MGAT5: variants seen among roughly 807,000 people sequenced by gnomAD.
MGAT5 encodes the protein alpha-1,6-mannosylglycoprotein 6-beta-N-acetylglucosaminyltransferase, also known as alpha-1,6-mannosylglycoprotein 6-beta-N-acetylglucosaminyltransferase A.
MGAT5 carries 30 observed loss-of-function variants against 94.3 expected under a neutral mutation model. That is an observed-to-expected ratio of 0.32 (90% CI 0.24 to 0.43). The LOEUF (loss-of-function observed/expected upper bound fraction) is 0.43, where lower values mean the gene tolerates loss of function less well. Among genes scored for constraint, MGAT5 ranks in the 20% least tolerant of loss-of-function variants. MGAT5 has a pLI of 1.00. For missense variants in MGAT5, 691 were observed against 905.5 expected (o/e 0.76, Z 3.04); for synonymous variants, 310 against 322.9 (o/e 0.96, Z 0.43).
Position 134,127,166 on chromosome 2 carries a change from C to A in MGAT5, c.-143+6875C>A, listed in dbSNP as rs116613504. ...CAGGGAAGGGGAGTTTCCCTCTATT[C>A]CCTTCCCCCCAGTAATCTTCATCAT... On this transcript the variant is annotated intron_variant, in intron 1 of 16. Transcript: ENST00000409645. 3.4e-3 allele frequency: 533 copies of A among 154,780 alleles called. 6 individuals carry two copies. Among genetic ancestry groups the A allele is most frequent in the African/African-American group, 0.012 (519 of 41,562 alleles). The allele number at this position is 154,780 out of a possible 1,614,324, so 9.6% of individuals were successfully genotyped here. A position where few individuals can be genotyped will look rare whatever the true frequency, so the allele number is the denominator to read the frequency against.
chr2:134,222,131 C>G (rs565838144), intron 1 of MGAT5, among the ~76,000 whole-genome samples: 2 of 141,364 alleles, frequency 1.4e-5, no homozygotes, highest in African/African-American at 2.6e-5. Context: ...GGAGTCAGGC[C>G]TAGGGTTTAG....
chr2:134,188,371 C>G (rs938027794), intron 1 of MGAT5, among the ~76,000 whole-genome samples: 1 of 152,238 alleles, frequency 6.6e-6, no homozygotes, highest in Non-Finnish European at 1.5e-5. Context: ...CCTGGCCCCT[C>G]TGCCATGTGG....
intron 1 of MGAT5, among the ~76,000 whole-genome samples, chr2:134,260,712 T>G (rs1421298835): frequency 1.3e-5 from 2 of 151,342 alleles, no homozygotes; most frequent in Non-Finnish European, 3.0e-5. Context: ...CTTTTTTTTT[T>G]TTTTTTGAGG....
intron 8 of MGAT5, among the ~76,000 whole-genome samples, chr2:134,347,036 A>C (rs760837376): frequency 6.6e-6 from 1 of 152,174 alleles, no homozygotes; most frequent in Non-Finnish European, 1.5e-5. Flanking sequence ...TTGGGCATCA[A>C]AACAAACATC....
At chr2:134,140,040 A>G (rs571422401) in intron 1 of MGAT5, among the ~76,000 whole-genome samples, 5 of 152,348 alleles carry the variant, frequency 3.3e-5, no homozygotes, top group African/African-American at 4.8e-5. Context: ...ATGAAGAAAA[A>G]GTCCTTCCTC....
chr2:134,182,800 T>C (rs1238166801), intron 1 of MGAT5, among the ~76,000 whole-genome samples: 3 of 148,038 alleles, frequency 2.0e-5, no homozygotes, highest in African/African-American at 5.0e-5. Context: ...TTTTTTTTTT[T>C]TTTTGAGACA....
chr2:134,347,549 G>A (rs1045309109), intron 8 of MGAT5, among the ~76,000 whole-genome samples: 4 of 152,176 alleles, frequency 2.6e-5, no homozygotes, highest in African/African-American at 9.7e-5. Flanking sequence ...ATATCCATGA[G>A]TTCCACATCA....
In MGAT5 at chr2:134,243,837, C is replaced by T. The variant is rs114301932; in HGVS notation, c.-142-10425C>T. Reference sequence around the variant, plus strand: ...GCCAGTACCCAGCCGGTGCTCCTCCCGAGGTGGAGGAGAGGGGTACTAGGG... The same window carrying T: ...GCCAGTACCCAGCCGGTGCTCCTCCTGAGGTGGAGGAGAGGGGTACTAGGG... On this transcript the variant is annotated intron_variant, in intron 1 of 16. Transcript: ENST00000409645. Among the ~76,000 whole-genome samples, 993 of 152,128 alleles carry T rather than the reference C, an allele frequency of 6.5e-3. 9 individuals carry two copies. The highest frequency in any genetic ancestry group is 0.023 in the African/African-American group (956 of 41,480).
At chr2:134,434,991 G>C (rs1254895875) in intron 14 of MGAT5, among the ~76,000 whole-genome samples, 1 of 152,132 alleles carries the variant, frequency 6.6e-6, no homozygotes, top group Non-Finnish European at 1.5e-5. Context: ...TTACATGAGT[G>C]TTTCATGGGG....
intron 11 of MGAT5, among the ~76,000 whole-genome samples, chr2:134,404,866 C>T (rs1683247454): frequency 6.6e-6 from 1 of 152,206 alleles, no homozygotes; most frequent in South Asian, 2.1e-4. Flanking sequence ...CTATCACCTT[C>T]TGTCTTAGGC....
At chr2:134,428,682 G>A (rs952975570) in intron 14 of MGAT5, among the ~76,000 whole-genome samples, 4 of 152,186 alleles carry the variant, frequency 2.6e-5, no homozygotes, top group Non-Finnish European at 5.9e-5. Context: ...AGAGAGATGG[G>A]ATGATTACTG....
At chr2:134,288,977 G>A (rs780298234) in intron 2 of MGAT5, among the ~76,000 whole-genome samples, 1 of 152,236 alleles carries the variant, frequency 6.6e-6, no homozygotes, top group Non-Finnish European at 1.5e-5. Flanking sequence ...GAAGCCAGTG[G>A]TTAGCACCTA....
intron 1 of MGAT5, among the ~76,000 whole-genome samples, chr2:134,151,671 G>A (rs1248200423): frequency 2.0e-4 from 13 of 64,144 alleles, no homozygotes; most frequent in East Asian, 1.1e-3. Context: ...CTCATGCCCT[G>A]TGGGACCCAC....
chr2:134,239,215 G>A (rs970127763), intron 1 of MGAT5, among the ~76,000 whole-genome samples: 1 of 152,104 alleles, frequency 6.6e-6, no homozygotes, highest in Non-Finnish European at 1.5e-5. Context: ...AGCCAGGATG[G>A]TCTCGATCTC....
At chr2:134,303,054 A>T (rs1686119955) in intron 2 of MGAT5, among the ~76,000 whole-genome samples, 1 of 152,112 alleles carries the variant, frequency 6.6e-6, no homozygotes, top group African/African-American at 2.4e-5. Context: ...ATCCGTTTAC[A>T]CAAAGGTTCG....
At chr2:134,223,642 T>C (rs1441346779) in intron 1 of MGAT5, among the ~76,000 whole-genome samples, 1 of 152,224 alleles carries the variant, frequency 6.6e-6, no homozygotes, top group Non-Finnish European at 1.5e-5. Context: ...GTATTAAGTG[T>C]TACGTTTTAC....
At chr2:134,434,730 C>T (rs1211230881) in intron 14 of MGAT5, among the ~76,000 whole-genome samples, 2 of 152,192 alleles carry the variant, frequency 1.3e-5, no homozygotes, top group Non-Finnish European at 2.9e-5. Flanking sequence ...CCTTCTCTGA[C>T]TGCTACCACC....
intron 10 of MGAT5, among the ~76,000 whole-genome samples, chr2:134,366,397 G>A (rs566283731): frequency 6.5e-4 from 99 of 152,188 alleles, no homozygotes; most frequent in Non-Finnish European, 1.2e-3. Flanking sequence ...ATGGTGCAGG[G>A]TTAGTATCTT....
chr2:134,291,758 A>G (rs547027559), intron 2 of MGAT5, among the ~76,000 whole-genome samples: 1 of 152,334 alleles, frequency 6.6e-6, no homozygotes, highest in African/African-American at 2.4e-5. Context: ...AATATATTTA[A>G]GTGTGATAAC....
Sources: gnomAD v4.1 joint callset for allele counts (sites outside exome capture counted in the v4.1 genomes callset) on GRCh38, gnomAD v4.1.1 for gene constraint, MANE v1.5 for transcripts, NCBI Gene and HGNC (gene_info 2026-07-23, HGNC 2026-07-21) for gene names.